Variants in ACACA observed in about 807,000 individuals in gnomAD.
ACACA encodes the protein acetyl-CoA carboxylase 1.
A neutral mutation model predicts 296.1 loss-of-function variants in ACACA; 103 were observed. The ratio of observed to expected loss-of-function variants is 0.35; its 90% CI spans 0.30 to 0.41. ACACA has a LOEUF of 0.41. Among genes scored for constraint, ACACA ranks in the 10% least tolerant of loss-of-function variants. The pLI, the probability that ACACA is intolerant of heterozygous loss-of-function variation, is 1.00. For missense variants in ACACA, 1,554 were observed against 2,989.7 expected, an observed-to-expected ratio of 0.52 and a Z score of 11.20; for synonymous variants, 953 against 1,038.6, an observed-to-expected ratio of 0.92 and a Z score of 1.58.
Position 37,202,334 on chromosome 17 carries a change from T to C in ACACA, c.4057-1851A>G, listed in dbSNP as rs182131755. 5.3e-5 allele frequency among the ~76,000 whole-genome samples: 8 copies of C among 152,270 alleles called. No homozygotes were observed. The South Asian group carries it at 8.3e-4, about 16-fold the overall frequency. On this transcript the variant is annotated intron_variant, in intron 33 of 55. Transcript: ENST00000616317. ...GCAGAGCAACAGGATTCTGATTACA[T>C]TGTAATAATGCAGGTCTCACAGCAA...
chr17:37,247,524 C>T (rs1252192659), intron 18 of ACACA, among the ~76,000 whole-genome samples: 2 of 152,154 alleles, frequency 1.3e-5, no homozygotes. Context: ...TAAGCCACCA[C>T]ATCTGGTTAA....
intron 1 of ACACA, among the ~76,000 whole-genome samples, chr17:37,361,686 C>A (rs2049411175): frequency 6.6e-6 from 1 of 152,124 alleles, no homozygotes; most frequent in Non-Finnish European, 1.5e-5. Context: ...TTTCAGCAAC[C>A]CCTGAGTGTT....
chr17:37,184,031 T>C (rs1161280210), intron 39 of ACACA, among the ~76,000 whole-genome samples: 1 of 151,892 alleles, frequency 6.6e-6, no homozygotes, highest in Non-Finnish European at 1.5e-5. Flanking sequence ...TTTGTATTTT[T>C]AGTAGAGATG....
chr17:37,167,672 A>G (rs1296425496), intron 41 of ACACA, among the ~76,000 whole-genome samples: 1 of 151,354 alleles, frequency 6.6e-6, no homozygotes, highest in Non-Finnish European at 1.5e-5. Context: ...TCCTTAATTA[A>G]AAAGATATTA....
In ACACA at chr17:37,123,689, C is replaced by T. The variant is rs137939668; in HGVS notation, c.6042-1062G>A. On this transcript the variant is annotated intron_variant, in intron 48 of 55. Coordinates refer to ENST00000616317, the MANE Select transcript of ACACA (RefSeq NM_198834.3). Reference sequence around the variant, plus strand: ...GTGGAGACCACCCACCCCCTTGTCACTTGCCTGCACTGAATCAGAATCAAA... The same window carrying T: ...GTGGAGACCACCCACCCCCTTGTCATTTGCCTGCACTGAATCAGAATCAAA... Among the ~76,000 whole-genome samples, 708 of 152,296 alleles carry T rather than the reference C, an allele frequency of 4.6e-3. 7 individuals carry two copies. Among genetic ancestry groups the T allele is most frequent in the African/African-American group, 0.016 (667 of 41,558 alleles).
chr17:37,098,736 G>C (rs1246859424), intron 52 of ACACA, among the ~76,000 whole-genome samples: 8 of 152,214 alleles, frequency 5.3e-5, no homozygotes, highest in Non-Finnish European at 7.3e-5. Context: ...GATGTAAAAA[G>C]AGAAAGGCAG....
chr17:37,286,617 T>C (rs910265482), intron 3 of ACACA, among the ~76,000 whole-genome samples: 1 of 152,156 alleles, frequency 6.6e-6, no homozygotes, highest in African/African-American at 2.4e-5. Flanking sequence ...GAGACTTAAT[T>C]CCAGTCTCTA....
chr17:37,181,773 G>A (rs7207912), intron 39 of ACACA, among the ~76,000 whole-genome samples: 34,854 of 151,062 alleles, frequency 0.23, 4,388 homozygotes, highest in Admixed American at 0.35. Flanking sequence ...GGTGGTGGGC[G>A]CCTGTAGTCC....
At position 37,406,344 on chromosome 17, in the gene ACACA, G is replaced by A. The variant is rs962195465; in HGVS notation, c.-45C>T. On this transcript the variant is annotated 5_prime_UTR_variant, in exon 1 of 56. Transcript: ENST00000616317. ...AATTTGGGCCTCTGAAGCCCAAAGA[G>A]GGGATGGTTCTTTCCAAAGAAGACA... 29 of 1,607,652 alleles carry A rather than the reference G, an allele frequency of 1.8e-5. No individual in the cohort carries two copies. The highest frequency in any genetic ancestry group is 2.4e-5 in the Non-Finnish European group (28 of 1,174,306).
At chr17:37,232,954 T>C (rs1296957535) in intron 25 of ACACA, among the ~76,000 whole-genome samples, 2 of 152,082 alleles carry the variant, frequency 1.3e-5, no homozygotes, top group Admixed American at 1.3e-4. Flanking sequence ...GAAACAGCTC[T>C]TTTCCCTAAA....
At chr17:37,341,559 G>A (rs1449847439) in intron 1 of ACACA, among the ~76,000 whole-genome samples, 5 of 151,802 alleles carry the variant, frequency 3.3e-5, no homozygotes, top group African/African-American at 1.2e-4. Flanking sequence ...GTGTGGTGGT[G>A]TGTGCCTGTA....
In ACACA at chr17:37,234,927, T is replaced by C. The variant is rs115603954; in HGVS notation, c.3246+48A>G. On this transcript the variant is annotated intron_variant, in intron 25 of 55. Transcript: ENST00000616317. ...AGCCATCAAAAGGAAAAAAATACTT[T>C]TTGCATATCATTGACGGTCTTTACA... is the stretch of plus-strand genomic sequence containing the variant. 1.6e-3 allele frequency: 2,600 copies of C among 1,610,060 alleles called. 37 individuals carry two copies. The African/African-American group carries it at 0.031, about 19-fold the overall frequency.
chr17:37,173,652 C>T (rs2076957206), intron 41 of ACACA, among the ~76,000 whole-genome samples: 1 of 151,800 alleles, frequency 6.6e-6, no homozygotes, highest in Admixed American at 6.6e-5. Context: ...CTTTGGGAGA[C>T]ATAGGATATC....
intron 26 of ACACA, chr17:37,225,416 G>A (rs946259589): frequency 6.1e-6 from 2 of 325,288 alleles, no homozygotes; most frequent in East Asian, 7.9e-5. Context: ...AAAGCTGCTG[G>A]TCCTAGGGAC....
At position 37,325,676 on chromosome 17, in the gene ACACA, G is replaced by A. The variant is rs978733930; in HGVS notation, c.338+4497C>T. 5.1e-4 allele frequency among the ~76,000 whole-genome samples: 67 copies of A among 130,562 alleles called. 1 individual carries two copies. Among genetic ancestry groups the A allele is most frequent in the Non-Finnish European group, 1.2e-4 (8 of 64,740 alleles). The allele number at this position is 130,562 out of a possible 152,430, so 85.7% of individuals were successfully genotyped here. A position where few individuals can be genotyped will look rare whatever the true frequency, so the allele number is the denominator to read the frequency against. On this transcript the variant is annotated intron_variant, in intron 3 of 55. Transcript: ENST00000616317. Reference sequence around the variant, plus strand: ...GCAACCTCTGCACCCCCGGATTCAAGCACTTCTCCTGCCTCAGCCTCTCGA... The same window carrying A: ...GCAACCTCTGCACCCCCGGATTCAAACACTTCTCCTGCCTCAGCCTCTCGA...
intron 1 of ACACA, among the ~76,000 whole-genome samples, chr17:37,370,192 G>A (rs2049752347): frequency 6.6e-6 from 1 of 151,706 alleles, no homozygotes; most frequent in African/African-American, 2.4e-5. Context: ...ATTTAGTAGA[G>A]ACGGTGTTTC....
At chr17:37,131,291 AG>A (rs1309479001) in intron 45 of ACACA, among the ~76,000 whole-genome samples, 1 of 152,140 alleles carries the variant, frequency 6.6e-6, no homozygotes, top group African/African-American at 2.4e-5. Flanking sequence ...TGGAAATTGC[AG>A]GGTTTCTTTT....
intron 50 of ACACA, among the ~76,000 whole-genome samples, chr17:37,118,566 A>G (rs1455729484): frequency 2.0e-5 from 3 of 152,222 alleles, no homozygotes; most frequent in Non-Finnish European, 2.9e-5. Flanking sequence ...GGGATATTCT[A>G]GTAGATCTAG....
At chr17:37,180,244 T>C (rs1167705028) in intron 40 of ACACA, among the ~76,000 whole-genome samples, 1 of 152,174 alleles carries the variant, frequency 6.6e-6, no homozygotes, top group Non-Finnish European at 1.5e-5. Context: ...GAAACAGAAG[T>C]AACACTCAGC....
Sources: gnomAD v4.1 joint callset for allele counts (sites outside exome capture counted in the v4.1 genomes callset) on GRCh38, gnomAD v4.1.1 for gene constraint, MANE v1.5 for transcripts, NCBI Gene and HGNC (gene_info 2026-07-23, HGNC 2026-07-21) for gene names.